Variants in RAB27A observed in about 807,000 individuals in gnomAD.
RAB27A encodes the protein RAB27A, member RAS oncogene family.
A neutral mutation model predicts 20.8 loss-of-function variants in RAB27A; 17 were observed. That is an observed-to-expected ratio of 0.82 (90% CI 0.56 to 1.23). RAB27A has a LOEUF of 1.23. RAB27A is among the 50% of genes most tolerant of loss of function. The pLI is 0.00. For missense variants in RAB27A, 277 were observed against 266.7 expected, an observed-to-expected ratio of 1.04 and a Z score of -0.27; for synonymous variants, 85 against 92.8, an observed-to-expected ratio of 0.92 and a Z score of 0.48.
chr15:55,209,608 G>A (rs1375438642), intron 6 of RAB27A, among the ~76,000 whole-genome samples: 1 of 151,724 alleles, frequency 6.6e-6, no homozygotes, highest in Admixed American at 6.6e-5. Context: ...GGAGTACAGA[G>A]AGCAAATACC....
At chr15:55,219,088 A>G (rs1319036219) in intron 6 of RAB27A, among the ~76,000 whole-genome samples, 1 of 152,148 alleles carries the variant, frequency 6.6e-6, no homozygotes, top group Non-Finnish European at 1.5e-5. Flanking sequence ...CTCTGAATCA[A>G]GAACAAAGGC....
intron 6 of RAB27A, among the ~76,000 whole-genome samples, chr15:55,215,734 G>A (rs1221763504): frequency 1.3e-5 from 2 of 150,790 alleles, no homozygotes; most frequent in Non-Finnish European, 2.9e-5. Context: ...GGCTGAGACG[G>A]GTGGATCACC....
intron 6 of RAB27A, among the ~76,000 whole-genome samples, chr15:55,217,813 T>C (rs1392225433): frequency 6.6e-6 from 1 of 151,804 alleles, no homozygotes; most frequent in Non-Finnish European, 1.5e-5. Flanking sequence ...GACGAAAAAA[T>C]TCAGCACTGC....
Position 55,281,073 on chromosome 15 carries a change from G to A in RAB27A, c.-143+8643C>T, listed in dbSNP as rs143615482. On this transcript the variant is annotated intron_variant, in intron 1 of 6. Coordinates refer to ENST00000336787, the MANE Select transcript of RAB27A (RefSeq NM_183235.3). ...GTAATTCTAGTTCTAGATCCTTGAG[G>A]AATCGCCACACTGTCTTCCACAATG... 4.9e-3 allele frequency among the ~76,000 whole-genome samples: 746 copies of A among 152,260 alleles called. 9 individuals carry two copies. Among genetic ancestry groups the A allele is most frequent in the African/African-American group, 0.017 (713 of 41,550 alleles).
At chr15:55,274,794 T>TTATATATATATACA (rs1555399450) in intron 1 of RAB27A, among the ~76,000 whole-genome samples, 45 of 52,152 alleles carry the variant, frequency 8.6e-4, no homozygotes, top group African/African-American at 2.3e-3. Context: ...AATAAATAAA[T>TTATATATATATACA]TATATATATA....
At chr15:55,208,473 C>G (rs1217125148) in intron 6 of RAB27A, among the ~76,000 whole-genome samples, 1 of 152,184 alleles carries the variant, frequency 6.6e-6, no homozygotes, top group African/African-American at 2.4e-5. Flanking sequence ...AACAAAGAGC[C>G]TAGATTCATA....
intron 6 of RAB27A, among the ~76,000 whole-genome samples, chr15:55,206,848 C>T (rs930670227): frequency 6.6e-6 from 1 of 151,906 alleles, no homozygotes; most frequent in Non-Finnish European, 1.5e-5. Flanking sequence ...AAGTTTAAAA[C>T]TTTGGTGCCA....
intron 6 of RAB27A, among the ~76,000 whole-genome samples, chr15:55,216,894 C>T (rs1047388226): frequency 1.8e-4 from 28 of 152,184 alleles, no homozygotes; most frequent in African/African-American, 6.5e-4. Context: ...ATGGATCTTA[C>T]TCTACTGATT....
intron 2 of RAB27A, among the ~76,000 whole-genome samples, chr15:55,244,808 C>T (rs1896626922): frequency 6.6e-6 from 1 of 152,030 alleles, no homozygotes; most frequent in Non-Finnish European, 1.5e-5. Context: ...ATTTAACATC[C>T]CCTTGTTCAG....
chr15:55,242,844 C>G (rs1213373478), intron 2 of RAB27A, among the ~76,000 whole-genome samples: 1 of 152,140 alleles, frequency 6.6e-6, no homozygotes, highest in Non-Finnish European at 1.5e-5. Context: ...AATGAATAGT[C>G]TGAAATAAAC....
At chr15:55,313,250 T>A (rs1341532291) in intron 2 of RAB27A, among the ~76,000 whole-genome samples, 5 of 152,156 alleles carry the variant, frequency 3.3e-5, no homozygotes, top group African/African-American at 1.2e-4. Flanking sequence ...ACCCCATTTC[T>A]ACAAAGATTT....
intron 2 of RAB27A, among the ~76,000 whole-genome samples, chr15:55,239,655 T>C (rs1016190288): frequency 2.0e-5 from 3 of 152,092 alleles, no homozygotes; most frequent in African/African-American, 4.8e-5. Context: ...CAGCAAAATA[T>C]TCACCCATGA....
upstream of RAB27A, among the ~76,000 whole-genome samples, chr15:55,294,589 G>GAAAAAAA (rs1181179911): frequency 6.5e-4 from 19 of 29,162 alleles, no homozygotes; most frequent in Admixed American, 1.7e-3. Context: ...CCCTGTCTCC[G>GAAAAAAA]AAAAAAAAAA....
chr15:55,270,233 A>T lies in RAB27A; in HGVS notation c.-91T>A, dbSNP rs1478475016. 3.9e-5 allele frequency: 6 copies of T among 152,156 alleles called. No individual in the cohort carries two copies. The highest frequency in any genetic ancestry group is 8.8e-5 in the Non-Finnish European group (6 of 68,022). The allele number at this position is 152,156 out of a possible 1,614,324, so 9.4% of individuals were successfully genotyped here. ...TAGAGACTGGAGTTACCAATGCTTC[A>T]ACAATTGACAACTTCCAATCACATG... On this transcript the variant is annotated 5_prime_UTR_variant, in exon 2 of 7. Transcript: ENST00000336787.
Position 55,228,616 on chromosome 15 carries a change from G to T in RAB27A, c.336C>A (p.Asn112Lys). 4 of 1,596,936 alleles carry T rather than the reference G, an allele frequency of 2.5e-6. No homozygotes were observed. The highest frequency in any genetic ancestry group is 3.4e-6 in the Non-Finnish European group (4 of 1,164,360). Residue 112 changes from asparagine (N) to lysine (K), a missense_variant, in exon 5 of 7, where the codon AAC (asparagine) becomes AAA (lysine). Coordinates refer to ENST00000336787, the MANE Select transcript of RAB27A (RefSeq NM_183235.3). ...TNEQSFLNVR[N>K]WISQLQMHAY... ...GGGAACAATAACACTTACTTATCCA[G>T]TTTCTGACATTGAGGAAACTTTGCT...
At chr15:55,256,202 C>G (rs1897072899) in intron 2 of RAB27A, among the ~76,000 whole-genome samples, 1 of 152,064 alleles carries the variant, frequency 6.6e-6, no homozygotes, top group Non-Finnish European at 1.5e-5. Flanking sequence ...ATCACTTGAG[C>G]CCAAGAGATC....
At chr15:55,265,799 G>A (rs1897455999) in intron 2 of RAB27A, among the ~76,000 whole-genome samples, 1 of 152,150 alleles carries the variant, frequency 6.6e-6, no homozygotes, top group Non-Finnish European at 1.5e-5. Context: ...TGTGGCTGAA[G>A]GGATGCATGG....
At position 55,278,481 on chromosome 15, in the gene RAB27A, TA is replaced by T. The variant is rs146604138; in HGVS notation, c.-142-8198del. Among the ~76,000 whole-genome samples, 23 of 108,246 alleles carry T rather than the reference TA, an allele frequency of 2.1e-4. 1 individual carries two copies. The highest frequency in any genetic ancestry group is 8.5e-4 in the Admixed American group (10 of 11,746). The allele number at this position is 108,246 out of a possible 152,430, so 71.0% of individuals were successfully genotyped here. ...GATTATTCAGTCTTCTAATCATTATTATTTTTTTTTTTTTTTTTTGAGAGGG... is the reference window on the plus strand; with the variant it reads ...GATTATTCAGTCTTCTAATCATTATTTTTTTTTTTTTTTTTTTTGAGAGGG... On this transcript the variant is annotated intron_variant, in intron 1 of 6. Transcript: ENST00000336787.
chr15:55,237,833 T>C (rs553151842), intron 2 of RAB27A, among the ~76,000 whole-genome samples: 2 of 152,322 alleles, frequency 1.3e-5, no homozygotes, highest in South Asian at 4.1e-4. Context: ...GGTATAACTA[T>C]GTTTTTTACA....
Sources: allele counts gnomAD v4.1 joint callset (sites outside exome capture counted in the v4.1 genomes callset), GRCh38; gene constraint gnomAD v4.1.1; transcripts MANE v1.5; gene names NCBI Gene and HGNC (gene_info 2026-07-23, HGNC 2026-07-21).